Variants in RAD51B observed in about 807,000 individuals in gnomAD.
The protein encoded by RAD51B is RAD51 paralog B, also known as DNA repair protein RAD51 homolog 2.
RAD51B carries 38 observed loss-of-function variants against 42.2 expected under a neutral mutation model. The observed-to-expected ratio is 0.90, with a 90% CI of 0.70 to 1.18. The LOEUF is 1.18. Among genes scored for constraint, RAD51B ranks in the 50% most tolerant of loss-of-function variants. The pLI is 0.00. For missense variants in RAD51B, 373 were observed against 400.7 expected, an observed-to-expected ratio of 0.93 and a Z score of 0.59; for synonymous variants, 154 against 145.2, an observed-to-expected ratio of 1.06 and a Z score of -0.43.
chr14:68,588,147 C>G (rs1407512441), intron 10 of RAD51B, among the ~76,000 whole-genome samples: 1 of 152,150 alleles, frequency 6.6e-6, no homozygotes, highest in African/African-American at 2.4e-5. Flanking sequence ...ATTCCTAATG[C>G]CAGCTTTGTC....
At chr14:68,356,797 C>T (rs4899240) in intron 8 of RAD51B, among the ~76,000 whole-genome samples, 1 of 144,260 alleles carries the variant, frequency 6.9e-6, no homozygotes, top group Non-Finnish European at 1.5e-5. Context: ...CCGGCTAAAA[C>T]GGTGAAACCC....
At chr14:68,355,589 G>A (rs1280470695) in intron 8 of RAD51B, among the ~76,000 whole-genome samples, 1 of 152,202 alleles carries the variant, frequency 6.6e-6, no homozygotes, top group Non-Finnish European at 1.5e-5. Context: ...GTCACAGCTG[G>A]AGATTGGTTC....
intron 10 of RAD51B, among the ~76,000 whole-genome samples, chr14:68,569,184 G>A (rs779388005): frequency 3.3e-5 from 5 of 152,200 alleles, no homozygotes; most frequent in African/African-American, 1.2e-4. Flanking sequence ...GTCCCTGCAG[G>A]GAGAGCTAAG....
At chr14:68,550,974 G>A (rs888102861) in intron 10 of RAD51B, among the ~76,000 whole-genome samples, 6 of 152,298 alleles carry the variant, frequency 3.9e-5, no homozygotes, top group Non-Finnish European at 8.8e-5. Flanking sequence ...AGAGGGTGGA[G>A]AGAGCAAGCC....
intron 7 of RAD51B, among the ~76,000 whole-genome samples, chr14:68,099,855 T>C (rs1199495825): frequency 6.6e-6 from 1 of 152,000 alleles, no homozygotes; most frequent in Non-Finnish European, 1.5e-5. Flanking sequence ...AGCAGAAGAG[T>C]TTTTGGTTTC....
chr14:68,349,898 A>G (rs1222241843), intron 8 of RAD51B, among the ~76,000 whole-genome samples: 1 of 152,232 alleles, frequency 6.6e-6, no homozygotes, highest in Non-Finnish European at 1.5e-5. Flanking sequence ...TATCCTAGCT[A>G]GAAAGAAAAC....
chr14:68,203,058 T>C (rs1160082688), intron 7 of RAD51B, among the ~76,000 whole-genome samples: 2 of 152,210 alleles, frequency 1.3e-5, no homozygotes, highest in South Asian at 2.1e-4. Flanking sequence ...TTAAAACTCC[T>C]GTTTATGCTG....
intron 7 of RAD51B, among the ~76,000 whole-genome samples, chr14:68,028,729 G>A (rs1275143007): frequency 6.6e-6 from 1 of 152,216 alleles, no homozygotes; most frequent in Non-Finnish European, 1.5e-5. Flanking sequence ...GGGGGTCAGG[G>A]AGGGGCCCTG....
At chr14:67,927,081 T>A (rs2044541031) in intron 7 of RAD51B, among the ~76,000 whole-genome samples, 1 of 152,244 alleles carries the variant, frequency 6.6e-6, no homozygotes, top group South Asian at 2.1e-4. Context: ...TCAAGATCAC[T>A]ATGGTTCATA....
intron 7 of RAD51B, among the ~76,000 whole-genome samples, chr14:67,990,328 C>T (rs963774425): frequency 6.6e-6 from 1 of 152,068 alleles, no homozygotes; most frequent in Non-Finnish European, 1.5e-5. Flanking sequence ...GTCAATGTCC[C>T]TAATGGGATA....
At chr14:68,148,690 C>T (rs1374982491) in intron 7 of RAD51B, among the ~76,000 whole-genome samples, 3 of 152,106 alleles carry the variant, frequency 2.0e-5, no homozygotes, top group Non-Finnish European at 4.4e-5. Flanking sequence ...AACAGTAAGC[C>T]CCAAGTCCCA....
chr14:68,126,312 T>C (rs1595436895), intron 7 of RAD51B, among the ~76,000 whole-genome samples: 1 of 152,334 alleles, frequency 6.6e-6, no homozygotes, highest in South Asian at 2.1e-4. Flanking sequence ...GTGCATGCTC[T>C]TGTTCTGGGG....
intron 8 of RAD51B, among the ~76,000 whole-genome samples, chr14:68,324,367 A>G (rs1013654219): frequency 6.6e-6 from 1 of 152,158 alleles, no homozygotes; most frequent in Admixed American, 6.5e-5. Flanking sequence ...GGGCACCAAA[A>G]CATTTTATAG....
At position 68,563,072 on chromosome 14, in the gene RAD51B, G is replaced by T. The variant is rs1017383418; in HGVS notation, c.1037-31413G>T. 5.1e-6 allele frequency: 5 copies of T among 985,358 alleles called. No homozygotes were observed. The African/African-American group carries it at 5.2e-5, about 10-fold the overall frequency. 61.0% of individuals were successfully genotyped at this position (985,358 alleles called of 1,614,324 possible). A position where few individuals can be genotyped will look rare whatever the true frequency, so the allele number is the denominator to read the frequency against. ...TTCTCTAGCCAGTGGGAGGGCAGAG[G>T]CTGGCAGAAAAGCCTCCGTCTGCCT... On this transcript the variant is annotated intron_variant, in intron 10 of 10. Coordinates refer to the RAD51B transcript ENST00000487270.
At chr14:68,365,970 C>G (rs2083134163) in intron 8 of RAD51B, among the ~76,000 whole-genome samples, 1 of 152,052 alleles carries the variant, frequency 6.6e-6, no homozygotes, top group Admixed American at 6.6e-5. Context: ...GGTGAGTTTT[C>G]CAGATGTTTC....
chr14:68,594,777 T>G (rs1890920396), exon 11 of RAD51B: 1 of 1,249,412 alleles, frequency 8.0e-7, no homozygotes, highest in Admixed American at 3.4e-5. Context: ...TGGAGATGTG[T>G]GTAGGGCCAC....
Position 68,206,124 on chromosome 14 carries a change from GC to G in RAD51B, c.757-85753del, listed in dbSNP as rs1026023864. 1.4e-4 allele frequency among the ~76,000 whole-genome samples: 21 copies of G among 152,004 alleles called. 1 individual carries two copies. Among genetic ancestry groups the G allele is most frequent in the African/African-American group, 4.6e-4 (19 of 41,366 alleles). On this transcript the variant is annotated intron_variant, in intron 7 of 10. Coordinates refer to ENST00000471583, the MANE Select transcript of RAD51B (RefSeq NM_133510.4). Reference sequence around the variant, plus strand: ...ACTTTGTCAGTTTTAAAGAATTTAAGCCCCCCCTCTTGCTTTTTAAAAATTT... The same window carrying G: ...ACTTTGTCAGTTTTAAAGAATTTAAGCCCCCCTCTTGCTTTTTAAAAATTT...
chr14:68,084,539 A>C (rs1476383602), intron 7 of RAD51B, among the ~76,000 whole-genome samples: 1 of 152,224 alleles, frequency 6.6e-6, no homozygotes, highest in African/African-American at 2.4e-5. Context: ...GTGGTCCTAC[A>C]CAACTGGAGT....
At chr14:68,572,752 T>C (rs1889770991) in intron 10 of RAD51B, among the ~76,000 whole-genome samples, 1 of 152,202 alleles carries the variant, frequency 6.6e-6, no homozygotes, top group Admixed American at 6.5e-5. Context: ...CTTGATATGC[T>C]CTTCCCCTGC....
Sources: gnomAD v4.1 joint callset for allele counts (sites outside exome capture counted in the v4.1 genomes callset) on GRCh38, gnomAD v4.1.1 for gene constraint, MANE v1.5 for transcripts, NCBI Gene and HGNC (gene_info 2026-07-23, HGNC 2026-07-21) for gene names.